The following BPTF variants were observed in gnomAD, a reference collection of about 807,000 sequenced individuals.
BPTF encodes bromodomain PHD finger transcription factor.
A neutral mutation model predicts 292.5 loss-of-function variants in BPTF; 18 were observed. That is an observed-to-expected ratio of 0.06 (90% CI 0.04 to 0.09). The LOEUF (loss-of-function observed/expected upper bound fraction) is 0.09. Among genes scored for constraint, BPTF ranks in the 10% least tolerant of loss-of-function variants. The probability of loss-of-function intolerance (pLI) is 1.00; values close to 1 mark genes in which losing one functional copy is unlikely to be tolerated. For synonymous variants in BPTF, 1,225 were observed against 1,251.9 expected, an observed-to-expected ratio of 0.98 and a Z score of 0.45; for missense variants, 2,726 against 3,498.7, an observed-to-expected ratio of 0.78 and a Z score of 5.57.
At chr17:67,876,206 G>A (rs573738919) in intron 4 of BPTF, among the ~76,000 whole-genome samples, 3 of 152,290 alleles carry the variant, frequency 2.0e-5, no homozygotes, top group African/African-American at 7.2e-5. Flanking sequence ...GTTGTCAGAT[G>A]TATTTTGACA....
chr17:67,921,005 G>A (rs950384266), intron 13 of BPTF, among the ~76,000 whole-genome samples: 3 of 151,472 alleles, frequency 2.0e-5, no homozygotes, highest in Non-Finnish European at 4.4e-5. Context: ...CCAGGAGTTC[G>A]AGCCCAGCCT....
At chr17:67,976,667 C>T (rs1175320482) in intron 27 of BPTF, among the ~76,000 whole-genome samples, 3 of 120,808 alleles carry the variant, frequency 2.5e-5, no homozygotes, top group African/African-American at 1.0e-4. Flanking sequence ...ACCTGAGTGA[C>T]AGAGTGAGAC....
intron 23 of BPTF, among the ~76,000 whole-genome samples, chr17:67,952,960 GTTCT>G: frequency 6.6e-6 from 1 of 152,024 alleles, no homozygotes; most frequent in East Asian, 1.9e-4. Flanking sequence ...TTGTCAAATT[GTTCT>G]TTACTTTTTT....
intron 17 of BPTF, among the ~76,000 whole-genome samples, chr17:67,929,944 C>T (rs908319041): frequency 6.7e-6 from 1 of 150,050 alleles, no homozygotes; most frequent in Non-Finnish European, 1.5e-5. Context: ...GGCAAAACCC[C>T]ATCTCTACAA....
chr17:67,851,581 TG>T (rs923052110), intron 1 of BPTF, among the ~76,000 whole-genome samples: 1 of 152,222 alleles, frequency 6.6e-6, no homozygotes, highest in African/African-American at 2.4e-5. Flanking sequence ...GTATAAGGCA[TG>T]TAGTGAGAAT....
intron 17 of BPTF, 114 bp from the exon 18 acceptor site, chr17:67,931,797 A>G (rs2064413777): frequency 4.4e-6 from 3 of 678,078 alleles, no homozygotes; most frequent in Non-Finnish European, 7.0e-6. Context: ...AGCCCCTGTC[A>G]TTCCTGTAAA....
rs774149298 is a variant in BPTF, at chr17:67,866,636, C to T, written c.1609C>T (p.Leu537=). The T allele has an allele frequency of 4.3e-6, 7 of 1,613,728 alleles. No individual in the cohort carries two copies. Among genetic ancestry groups the T allele is most frequent in the African/African-American group, 1.3e-5 (1 of 74,856 alleles). Residue 537 remains leucine (L), a synonymous_variant, in exon 3 of 28, where the codon CTG becomes TTG. Transcript: ENST00000306378. ...IHRHMDITED[L]TNKARGSNKS... ...CCGACACATGGACATAACTGAAGACCTGACCAATAAGGCTCGGGGCAGTAA... is the reference window on the plus strand; with the variant it reads ...CCGACACATGGACATAACTGAAGACTTGACCAATAAGGCTCGGGGCAGTAA...
chr17:67,935,941 A>T (rs2064876640), intron 18 of BPTF, among the ~76,000 whole-genome samples: 1 of 152,240 alleles, frequency 6.6e-6, no homozygotes, highest in Non-Finnish European at 1.5e-5. Context: ...ATCTATTTGA[A>T]TAGCAAGACA....
intron 4 of BPTF, among the ~76,000 whole-genome samples, chr17:67,877,247 TTAATAG>T (rs1426580601): frequency 6.6e-6 from 1 of 152,198 alleles, no homozygotes; most frequent in Non-Finnish European, 1.5e-5. Flanking sequence ...GTAGACGGAC[TTAATAG>T]AGTTCTGACC....
At chr17:67,927,438 A>G (rs867979751) in intron 15 of BPTF, among the ~76,000 whole-genome samples, 2 of 152,232 alleles carry the variant, frequency 1.3e-5, no homozygotes, top group African/African-American at 4.8e-5. Flanking sequence ...TGTATAGTAT[A>G]AAGTATTTTT....
chr17:67,971,950 T>A (rs958799986), intron 26 of BPTF, among the ~76,000 whole-genome samples: 5 of 152,176 alleles, frequency 3.3e-5, no homozygotes, highest in African/African-American at 1.2e-4. Context: ...ATTATCACTC[T>A]TTTGAGGGGT....
intron 1 of BPTF, among the ~76,000 whole-genome samples, chr17:67,832,990 G>C (rs1171676513): frequency 1.3e-5 from 2 of 150,754 alleles, no homozygotes; most frequent in African/African-American, 4.9e-5. Flanking sequence ...GTAGAGACAG[G>C]GTTTTACTAT....
intron 18 of BPTF, among the ~76,000 whole-genome samples, chr17:67,932,852 G>T (rs967285601): frequency 6.6e-6 from 1 of 151,944 alleles, no homozygotes; most frequent in African/African-American, 2.4e-5. Context: ...GCCATAAAAA[G>T]AAAGAAAAGA....
At chr17:67,913,687 T>C (rs1433222505) in intron 11 of BPTF, among the ~76,000 whole-genome samples, 1 of 152,192 alleles carries the variant, frequency 6.6e-6, no homozygotes, top group Non-Finnish European at 1.5e-5. Context: ...CTGTTATTTA[T>C]GTATGAATAG....
intron 1 of BPTF, among the ~76,000 whole-genome samples, chr17:67,851,976 A>C (rs1234360859): frequency 1.3e-5 from 2 of 148,894 alleles, no homozygotes; most frequent in Non-Finnish European, 3.0e-5. Context: ...GAGATACCAG[A>C]TTAGTGTTGA....
rs1490090618 is a variant in BPTF, at chr17:67,839,181, C to A, written c.613+12844C>A. 1.6e-3 allele frequency among the ~76,000 whole-genome samples: 250 copies of A among 151,714 alleles called. 1 individual carries two copies. Among genetic ancestry groups the A allele is most frequent in the African/African-American group, 5.9e-3 (243 of 41,144 alleles). On this transcript the variant is annotated intron_variant, in intron 1 of 27. Coordinates refer to ENST00000306378, the MANE Select transcript of BPTF (RefSeq NM_182641.4). The stretch of plus-strand genomic sequence containing the variant: ...ATTGCATTGTGTACCACCTCCAAAG[C>A]AATGTTAAATGTTAGTTATAACGAT...
intron 2 of BPTF, among the ~76,000 whole-genome samples, chr17:67,857,405 C>T (rs1379845647): frequency 6.6e-6 from 1 of 151,780 alleles, no homozygotes; most frequent in African/African-American, 2.4e-5. Context: ...TGTGATCTGT[C>T]TGCCTCGGCC....
At chr17:67,897,054 ATG>A (rs1163422863) in intron 7 of BPTF, among the ~76,000 whole-genome samples, 1 of 152,010 alleles carries the variant, frequency 6.6e-6, no homozygotes, top group Non-Finnish European at 1.5e-5. Flanking sequence ...GAGGCCGGGC[ATG>A]GTGGCTCATG....
chr17:67,978,459 C>G (rs1409185470), intron 27 of BPTF, among the ~76,000 whole-genome samples: 1 of 151,836 alleles, frequency 6.6e-6, no homozygotes, highest in Non-Finnish European at 1.5e-5. Flanking sequence ...CCACCATGCC[C>G]AGCTGATTTT....
Sources: allele counts gnomAD v4.1 joint callset (sites outside exome capture counted in the v4.1 genomes callset), GRCh38; gene constraint gnomAD v4.1.1; transcripts MANE v1.5; gene names NCBI Gene and HGNC (gene_info 2026-07-23, HGNC 2026-07-21).